The following EPB42 variants were observed in gnomAD, a reference collection of about 807,000 sequenced individuals.
EPB42 encodes erythrocyte membrane protein band 4.2.
A neutral mutation model predicts 76.9 loss-of-function variants in EPB42; 49 were observed. The ratio of observed to expected loss-of-function variants is 0.64; its 90% confidence interval spans 0.51 to 0.81. The LOEUF (loss-of-function observed/expected upper bound fraction) is 0.81. Ranked by LOEUF, EPB42 falls within the 30% of genes least tolerant of loss-of-function variation. EPB42 has a pLI of 0.00. For synonymous variants in EPB42, 310 were observed against 338.4 expected (o/e 0.92, Z 0.92); for missense variants, 731 against 867.6 (o/e 0.84, Z 1.98).
chr15:43,206,291 G>T lies in EPB42; in HGVS notation c.1618+39C>A, dbSNP rs1264211818. On this transcript the variant is annotated intron_variant, in intron 10 of 12. Coordinates refer to ENST00000441366, the MANE Select transcript of EPB42 (RefSeq NM_001114134.2). The surrounding 1 kb of genome is among the most constrained non-coding windows in gnomAD (Gnocchi z 4.7). Reference sequence around the variant, plus strand: ...CCCAAGGCAGGGGCCATGTGTGTGTGTGTGTCGGGGGGTGTCTGGTGGGGC... The same window carrying T: ...CCCAAGGCAGGGGCCATGTGTGTGTTTGTGTCGGGGGGTGTCTGGTGGGGC... 4 of 1,570,228 alleles carry T rather than the reference G, an allele frequency of 2.5e-6. No homozygotes were observed. Among genetic ancestry groups the T allele is most frequent in the Non-Finnish European group, 2.6e-6 (3 of 1,154,164 alleles).
At chr15:43,213,920 C>T (rs1196758194) in intron 3 of EPB42, among the ~76,000 whole-genome samples, 1 of 152,214 alleles carries the variant, frequency 6.6e-6, no homozygotes, top group Admixed American at 6.5e-5. Context: ...TTAGGTACCA[C>T]AGAGAAAAGC....
chr15:43,208,220 T>TC lies in EPB42; in HGVS notation c.1075+9_1075+10insG. 6.2e-7 allele frequency: 1 copy of TC among 1,613,066 alleles called. No individual in the cohort carries two copies. Among genetic ancestry groups the TC allele is most frequent in the Non-Finnish European group, 8.5e-7 (1 of 1,179,434 alleles). ...CCCTGCGTGGTCCTGGACCCACCCC[T>TC]AGGCTTTACCTCCACCTCCATTAGG... On this transcript the variant is annotated intron_variant, in intron 8 of 12. Coordinates refer to ENST00000441366, the MANE Select transcript of EPB42 (RefSeq NM_001114134.2).
Position 43,197,460 on chromosome 15 carries a change from G to A in EPB42, c.1918C>T (p.Arg640Cys), listed in dbSNP as rs141228666. ...ATGGTGTTTTCAGGCCACACTGAAC[G>A]GAATCTGAAATAAAGGAAAAGGCAG... ...LIHRERSYRF[R>C]SVWPENTMCA... The change falls in exon 13 of 13, where the codon CGT becomes TGT. Residue 640 changes from arginine (R) to cysteine (C), a missense_variant. Physicochemically the swap from Arg to Cys is radical, Grantham distance 180. Coordinates refer to ENST00000441366, the MANE Select transcript of EPB42 (RefSeq NM_001114134.2). 3.1e-5 allele frequency: 50 copies of A among 1,614,092 alleles called. No individual in the cohort carries two copies. The highest frequency in any genetic ancestry group is 2.5e-4 in the East Asian group (11 of 44,886).
chr15:43,217,757 T>G (rs1055549396), intron 1 of EPB42, among the ~76,000 whole-genome samples: 2 of 152,158 alleles, frequency 1.3e-5, no homozygotes, highest in African/African-American at 4.8e-5. Flanking sequence ...ATGACCCTGA[T>G]AGCAAGGTCC....
rs1372264883 is a variant in EPB42 at position 43,211,282 on chromosome 15, C to T, written c.549+134G>A. The T allele has an allele frequency of 6.0e-5, 46 of 764,134 alleles. 2 individuals carry two copies. The Middle Eastern group carries it at 7.2e-3, about 119-fold the overall frequency. 47.3% of individuals were successfully genotyped at this position (764,134 alleles called of 1,614,324 possible). ...ATATGGCCCAGAGGAAGGAGAGGCA[C>T]CACAAAGCTGAAATGGGCTAAAGAA... On this transcript the variant is annotated intron_variant, in intron 4 of 12. Transcript: ENST00000441366.
upstream of EPB42, among the ~76,000 whole-genome samples, chr15:43,222,138 G>GA (rs201705216): frequency 4.0e-3 from 502 of 124,188 alleles, 5 homozygotes; most frequent in South Asian, 0.049. Flanking sequence ...CTCCATCTCA[G>GA]AAAAAAAAAA....
chr15:43,206,657 C>T lies in EPB42; in HGVS notation c.1319-28G>A. 6.2e-7 allele frequency: 1 copy of T among 1,613,734 alleles called. No individual in the cohort carries two copies. The highest frequency in any genetic ancestry group is 1.1e-5 in the South Asian group (1 of 90,992). On this transcript the variant is annotated intron_variant, in intron 9 of 12. Coordinates refer to ENST00000441366, the MANE Select transcript of EPB42 (RefSeq NM_001114134.2). The surrounding 1 kb of genome is among the most constrained non-coding windows in gnomAD (Gnocchi z 4.7). ...GGAGAAGGGAAGAAACAAAGCTGAC[C>T]TTTTACCCGGGTGGTATAAATGCTT...
Position 43,220,525 on chromosome 15 carries a change from G to A in EPB42, c.10+291C>T, listed in dbSNP as rs537921456. 9.5e-4 allele frequency among the ~76,000 whole-genome samples: 145 copies of A among 151,880 alleles called. 1 individual carries two copies. Among genetic ancestry groups the A allele is most frequent in the Non-Finnish European group, 1.0e-3 (70 of 67,924 alleles). ...TATCATGACCAGTTTACCCCAACATGCTACCCCATAACCACCCCACAGCAA... is the reference window on the plus strand; with the variant it reads ...TATCATGACCAGTTTACCCCAACATACTACCCCATAACCACCCCACAGCAA... On this transcript the variant is annotated intron_variant, in intron 1 of 12. Coordinates refer to ENST00000441366, the MANE Select transcript of EPB42 (RefSeq NM_001114134.2).
upstream of EPB42, among the ~76,000 whole-genome samples, chr15:43,225,261 A>T (rs2042497734): frequency 6.6e-6 from 1 of 152,222 alleles, no homozygotes. Context: ...TTTTTTCTAT[A>T]TACCCTTTGT....
chr15:43,215,010 T>C (rs1331260817), intron 3 of EPB42, 85 bp downstream of exon 3: 38 of 1,169,386 alleles, frequency 3.2e-5, no homozygotes, highest in Non-Finnish European at 4.8e-5. Flanking sequence ...AGGGGCCTGG[T>C]GCAGGTGCTC....
At chr15:43,217,339 T>C (rs1187116262) in intron 1 of EPB42, among the ~76,000 whole-genome samples, 2 of 152,196 alleles carry the variant, frequency 1.3e-5, no homozygotes, top group Admixed American at 1.3e-4. Flanking sequence ...GTAAGTTTCC[T>C]GAGGCCTCCC....
upstream of EPB42, among the ~76,000 whole-genome samples, chr15:43,221,794 T>A (rs1221180577): frequency 6.7e-6 from 1 of 148,622 alleles, no homozygotes; most frequent in Admixed American, 6.7e-5. Flanking sequence ...TTTGAACTTT[T>A]GAACTCATTT....
Position 43,206,562 on chromosome 15 carries a change from G to C in EPB42, c.1386C>G (p.Asn462Lys), listed in dbSNP as rs199505318. Residue 462 changes from asparagine (N) to lysine (K), a missense_variant, in exon 10 of 13, where the codon AAC (asparagine) becomes AAG (lysine). Transcript: ENST00000441366. This position sits in a 1 kb window ranked among gnomAD's most constrained non-coding sequence, Gnocchi z 4.7. ...EKEKMEREKD[N>K]GIRPPSLETA... ...TCTCGAGACTGGGAGGACGGATGCC[G>C]TTGTCTTTCTCACGTTCCATTTTCT... 32 of 1,614,178 alleles carry C rather than the reference G, an allele frequency of 2.0e-5. No homozygotes were observed. The African/African-American group carries it at 4.0e-4, about 20-fold the overall frequency.
upstream of EPB42, among the ~76,000 whole-genome samples, chr15:43,221,298 GC>G (rs140452584): frequency 1.5e-3 from 234 of 152,326 alleles, 2 homozygotes; most frequent in African/African-American, 4.8e-3. Flanking sequence ...CAAATCTCAG[GC>G]CCTAAACGTG....
intron 3 of EPB42, among the ~76,000 whole-genome samples, chr15:43,211,762 A>G (rs2042300907): frequency 6.6e-6 from 1 of 152,218 alleles, no homozygotes; most frequent in Admixed American, 6.5e-5. Flanking sequence ...CCAGGAAGAC[A>G]AGAACAACCT....
chr15:43,206,346 C>A lies in EPB42; in HGVS notation c.1602G>T (p.Thr534=). The A allele has an allele frequency of 6.2e-7, 1 of 1,611,710 alleles. No homozygotes were observed. Among genetic ancestry groups the A allele is most frequent in the Non-Finnish European group, 8.5e-7 (1 of 1,178,126 alleles). ...GAGCATTACCCAGGTTGGCACTGAG[C>A]GTGAGGTGCAGCTTCTTCCTCCAGA... ...AKLWRKKLHL[T]LSANLEKIIT... is the part of the protein sequence containing the mutation. The change falls in exon 10 of 13, where the codon ACG becomes ACT. Residue 534 remains threonine (T), a synonymous_variant. Coordinates refer to ENST00000441366, the MANE Select transcript of EPB42 (RefSeq NM_001114134.2). This position sits in a 1 kb window ranked among gnomAD's most constrained non-coding sequence, Gnocchi z 4.7.
chr15:43,208,461 G>GTCAAAGT, intron 7 of EPB42, 128 bp from the exon 8 acceptor site: 1 of 1,381,326 alleles, frequency 7.2e-7, no homozygotes, highest in Non-Finnish European at 1.0e-6. Context: ...AAGTGGCTGT[G>GTCAAAGT]GCACTCCCAG....
At chr15:43,219,728 C>T (rs1448918959) in intron 1 of EPB42, among the ~76,000 whole-genome samples, 4 of 152,104 alleles carry the variant, frequency 2.6e-5, no homozygotes, top group African/African-American at 2.4e-5. Context: ...CGGAGGATCA[C>T]GAGGTCAAGA....
Position 43,197,376 on chromosome 15 carries a change from C to T in EPB42, c.2002G>A (p.Val668Met), listed in dbSNP as rs534361166. The change falls in exon 13 of 13, where the codon GTG becomes ATG. Residue 668 changes from valine (V) to methionine (M), a missense_variant. Physicochemically the swap from Val to Met is conservative, Grantham distance 21. Coordinates refer to ENST00000441366, the MANE Select transcript of EPB42 (RefSeq NM_001114134.2). ...HVGLQRLTVE[V>M]DCNMFQNLTN... ...AGGTTCTGGAACATGTTGCAGTCCACTTCCACAGTGAGTCTCTGGAGCCCC... is the reference window on the plus strand; with the variant it reads ...AGGTTCTGGAACATGTTGCAGTCCATTTCCACAGTGAGTCTCTGGAGCCCC... 9 of 1,614,206 alleles carry T rather than the reference C, an allele frequency of 5.6e-6. No homozygotes were observed. Among genetic ancestry groups the T allele is most frequent in the Admixed American group, 1.7e-5 (1 of 60,020 alleles).
Sources: gnomAD v4.1 joint callset for allele counts (sites outside exome capture counted in the v4.1 genomes callset) on GRCh38, gnomAD v4.1.1 for gene constraint, Gnocchi (gnomAD v3.1) non-coding constraint, MANE v1.5 for transcripts, NCBI Gene and HGNC (gene_info 2026-07-23, HGNC 2026-07-21) for gene names.